Variants in LDHA observed in about 807,000 individuals in gnomAD.
LDHA encodes L-lactate dehydrogenase A chain.
A neutral mutation model predicts 36.3 loss-of-function variants in LDHA; 10 were observed. The ratio of observed to expected loss-of-function variants is 0.28; its 90% confidence interval spans 0.17 to 0.47. The LOEUF is 0.47. Among genes scored for constraint, LDHA ranks in the 20% least tolerant of loss-of-function variants. The pLI is 0.99. For missense variants in LDHA, 267 were observed against 405.8 expected, an observed-to-expected ratio of 0.66 and a Z score of 2.94; for synonymous variants, 110 against 136.7, an observed-to-expected ratio of 0.80 and a Z score of 1.36.
chr11:18,397,069 T>G (rs553153615), intron 2 of LDHA, 101 bp downstream of exon 2: 1 of 1,055,378 alleles, frequency 9.5e-7, no homozygotes, highest in East Asian at 2.4e-5. Context: ...TGTAACAGTA[T>G]TTAGATTTAT....
intron 1 of LDHA, chr11:18,396,286 G>C (rs768057714): frequency 4.6e-5 from 17 of 367,768 alleles, no homozygotes; most frequent in Non-Finnish European, 8.2e-5. Flanking sequence ...CGTAAAAGCC[G>C]GGCGTTCGGA....
rs10832931 is a variant in LDHA at position 18,402,571 on chromosome 11, A to T, written c.419-269A>T. 260,924 of 383,130 alleles carry T rather than the reference A, an allele frequency of 0.68. 90,589 individuals carry two copies. The highest frequency in any genetic ancestry group is 0.75 in the South Asian group (33,147 of 44,386). The allele number at this position is 383,130 out of a possible 1,614,324, so 23.7% of individuals were successfully genotyped here. A position where few individuals can be genotyped will look rare whatever the true frequency, so the allele number is the denominator to read the frequency against. On this transcript the variant is annotated intron_variant, in intron 4 of 7. Transcript: ENST00000422447. ...CCTCAGCCTCCCAAAGTGTTGGGATAACAGGTGTGAGTTGTCATGCCCAGC... is the reference window on the plus strand; with the variant it reads ...CCTCAGCCTCCCAAAGTGTTGGGATTACAGGTGTGAGTTGTCATGCCCAGC...
At chr11:18,397,110 A>G in intron 2 of LDHA, 142 bp downstream of exon 2, 1 of 750,060 alleles carries the variant, frequency 1.3e-6, no homozygotes, top group South Asian at 1.7e-5. Flanking sequence ...CTGTGAAACA[A>G]ACTTTTGAAA....
intron 7 of LDHA, chr11:18,406,614 A>T (rs1485674380): frequency 1.3e-5 from 2 of 155,474 alleles, no homozygotes; most frequent in African/African-American, 4.8e-5. Context: ...TACTTGGGAG[A>T]CTGAGGCAGA....
At chr11:18,394,670 G>A (rs1866227790) in intron 1 of LDHA, 34 bp downstream of exon 1, 1 of 453,508 alleles carries the variant, frequency 2.2e-6, no homozygotes, top group Non-Finnish European at 4.4e-6. Flanking sequence ...GGCGCCAGAG[G>A]GATGGGCGGG....
In LDHA at chr11:18,407,524, C is replaced by T. The variant is rs76818137; in HGVS notation, c.*243C>T. The T allele has an allele frequency of 1.3e-6, 1 of 797,534 alleles. No individual in the cohort carries two copies. Among genetic ancestry groups the T allele is most frequent in the Admixed American group, 2.0e-5 (1 of 50,010 alleles). 49.4% of individuals were successfully genotyped at this position (797,534 alleles called of 1,614,324 possible). On this transcript the variant is annotated 3_prime_UTR_variant, in exon 8 of 8. Transcript: ENST00000422447. ...ACTGGTTAGTGTGAAATAGTTCTGC[C>T]ACCTCTGACGCACCACTGCCAATGC... is the stretch of plus-strand genomic sequence containing the variant.
chr11:18,402,398 A>T (rs536029468), intron 4 of LDHA: 80 of 182,062 alleles, frequency 4.4e-4, no homozygotes, highest in African/African-American at 1.9e-3. Flanking sequence ...GGCTCAGGTG[A>T]TCCTTCTTCC....
At chr11:18,400,429 C>CCACACACACA (rs6144241) in intron 3 of LDHA, 1 of 266,904 alleles carries the variant, frequency 3.7e-6, no homozygotes, top group African/African-American at 2.4e-5. Flanking sequence ...ACCACCACCA[C>CCACACACACA]CACACACACA....
chr11:18,402,694 A>G (rs954261010), intron 4 of LDHA, 146 bp from the exon 5 acceptor site: 2 of 695,558 alleles, frequency 2.9e-6, no homozygotes, highest in African/African-American at 1.8e-5. Flanking sequence ...CAATATCAAG[A>G]TCCTGAAAAG....
chr11:18,400,407 A>C, intron 3 of LDHA: 3 of 277,376 alleles, frequency 1.1e-5, no homozygotes, highest in Admixed American at 5.1e-5. Context: ...CTGCTTAAAA[A>C]CAAGTCCCCC....
In LDHA at chr11:18,408,212, G is replaced by T. The variant is rs899843097; in HGVS notation, c.*931G>T. The T allele has an allele frequency of 2.9e-5, 13 of 453,902 alleles. No individual in the cohort carries two copies. The highest frequency in any genetic ancestry group is 5.3e-5 in the Non-Finnish European group (12 of 226,800). The allele number at this position is 453,902 out of a possible 1,614,324, so 28.1% of individuals were successfully genotyped here. A position where few individuals can be genotyped will look rare whatever the true frequency, so the allele number is the denominator to read the frequency against. ...TGGTAACAATTAAAAACAATCTTAAGGCAGGGTGCAGTGGCTCATGCCTAT... is the reference window on the plus strand; with the variant it reads ...TGGTAACAATTAAAAACAATCTTAATGCAGGGTGCAGTGGCTCATGCCTAT... On this transcript the variant is annotated 3_prime_UTR_variant, in exon 8 of 8. Coordinates refer to ENST00000422447, the MANE Select transcript of LDHA (RefSeq NM_005566.4).
rs908597180 is a variant in LDHA at position 18,408,186 on chromosome 11, C to T, written c.*905C>T. 1.3e-5 allele frequency: 6 copies of T among 453,938 alleles called. No homozygotes were observed. The highest frequency in any genetic ancestry group is 2.6e-5 in the Non-Finnish European group (6 of 226,786). 28.1% of individuals were successfully genotyped at this position (453,938 alleles called of 1,614,324 possible). ...TTTTTGAGATCTTGTCCTCTGGAAGCTGGTAACAATTAAAAACAATCTTAA... is the reference window on the plus strand; with the variant it reads ...TTTTTGAGATCTTGTCCTCTGGAAGTTGGTAACAATTAAAAACAATCTTAA... On this transcript the variant is annotated 3_prime_UTR_variant, in exon 8 of 8. Coordinates refer to ENST00000422447, the MANE Select transcript of LDHA (RefSeq NM_005566.4).
At chr11:18,399,933 C>CTTTAAAGATTTTGT (rs1172779065) in intron 3 of LDHA, 6 of 196,212 alleles carry the variant, frequency 3.1e-5, no homozygotes, top group Admixed American at 1.6e-4. Context: ...AATCCTAGCT[C>CTTTAAAGATTTTGT]TTTAAAGATT....
At chr11:18,399,623 T>G (rs1364718780) in intron 3 of LDHA, 75 bp downstream of exon 3, 1 of 1,153,304 alleles carries the variant, frequency 8.7e-7, no homozygotes, top group African/African-American at 1.5e-5. Context: ...CATTTGTTGC[T>G]TAGGGTAGAG....
At chr11:18,400,494 T>G in intron 3 of LDHA, 1 of 364,630 alleles carries the variant, frequency 2.7e-6, no homozygotes, top group Non-Finnish European at 5.3e-6. Context: ...AAATTGCCTG[T>G]TCCTGGGCTG....
rs1243742040 is a variant in LDHA at position 18,394,608 on chromosome 11, C to G, written c.-53C>G. 2.2e-6 allele frequency: 1 copy of G among 454,020 alleles called. No individual in the cohort carries two copies. Among genetic ancestry groups the G allele is most frequent in the South Asian group, 1.6e-5 (1 of 64,482 alleles). The allele number at this position is 454,020 out of a possible 1,614,324, so 28.1% of individuals were successfully genotyped here. The stretch of plus-strand genomic sequence containing the variant: ...GATTCCGGATCTCATTGCCACGCGC[C>G]CCCGACGACCGCCCGACGTGCATTC... On this transcript the variant is annotated 5_prime_UTR_variant, in exon 1 of 8. Coordinates refer to ENST00000422447, the MANE Select transcript of LDHA (RefSeq NM_005566.4).
intron 1 of LDHA, chr11:18,394,865 G>T: frequency 2.8e-6 from 1 of 353,838 alleles, no homozygotes; most frequent in Non-Finnish European, 5.6e-6. Flanking sequence ...ATGGCTTCTG[G>T]CCACGCTGGG....
At chr11:18,400,160 C>T (rs920874135) in intron 3 of LDHA, 19 of 175,028 alleles carry the variant, frequency 1.1e-4, no homozygotes, top group South Asian at 2.5e-4. Context: ...CTTTCACACA[C>T]GAAGTTGAGA....
At chr11:18,402,439 G>A (rs1350609171) in intron 4 of LDHA, 7 of 258,104 alleles carry the variant, frequency 2.7e-5, no homozygotes, top group South Asian at 2.6e-4. Context: ...GACTACAGGC[G>A]TGCACCAATA....
Sources: allele counts gnomAD v4.1 joint callset, GRCh38; gene constraint gnomAD v4.1.1; transcripts MANE v1.5; gene names NCBI Gene and HGNC (gene_info 2026-07-23, HGNC 2026-07-21).